CDH13: variants seen among roughly 807,000 people sequenced by gnomAD.
CDH13 encodes the protein cadherin 13.
Under a neutral mutation model 63.8 loss-of-function variants are expected in CDH13, and 24 were observed. The observed-to-expected ratio is 0.38, with a 90% CI of 0.27 to 0.53. The LOEUF is 0.53. CDH13 is among the 20% of genes least tolerant of loss of function. CDH13 has a pLI of 0.85. For synonymous variants in CDH13, 503 were observed against 355.3 expected (o/e 1.42, Z -4.67); for missense variants, 1,049 against 903.1 (o/e 1.16, Z -2.07).
intron 1 of CDH13, among the ~76,000 whole-genome samples, chr16:82,738,739 T>C (rs994198294): frequency 1.3e-5 from 2 of 152,244 alleles, no homozygotes; most frequent in African/African-American, 4.8e-5. Context: ...GGGGAAAATG[T>C]CATCTCTTTC....
chr16:82,869,149 C>G (rs1355403815), intron 2 of CDH13, among the ~76,000 whole-genome samples: 1 of 152,120 alleles, frequency 6.6e-6, no homozygotes, highest in Non-Finnish European at 1.5e-5. Context: ...TGGGTTCAAG[C>G]TATTCTCATG....
At chr16:82,896,983 A>G (rs577714605) in intron 2 of CDH13, among the ~76,000 whole-genome samples, 1 of 147,882 alleles carries the variant, frequency 6.8e-6, no homozygotes, top group African/African-American at 2.5e-5. Flanking sequence ...GGGTTTCATC[A>G]TGTTAGCCAG....
Position 83,748,242 on chromosome 16 carries a change from T to C in CDH13, c.1673T>C (p.Ile558Thr). 1 of 1,608,856 alleles carries C rather than the reference T, an allele frequency of 6.2e-7. No individual in the cohort carries two copies. The highest frequency in any genetic ancestry group is 8.5e-7 in the Non-Finnish European group (1 of 1,175,908). ...NSVYTALFLA[I>T]DSGNPPATGT... ...GTGTACACTGCTCTCTTCCTGGCAA[T>C]TGACAGTGGTGAGTACTTGACAAAG... Residue 558 changes from isoleucine to threonine, a missense_variant, in exon 11 of 14, where the codon ATT becomes ACT. Transcript: ENST00000567109.
intron 5 of CDH13, among the ~76,000 whole-genome samples, chr16:83,263,175 A>G (rs1907188810): frequency 6.6e-6 from 1 of 152,220 alleles, no homozygotes; most frequent in Admixed American, 6.5e-5. Context: ...ACCTAGCAGT[A>G]ATTTTTAGGA....
At chr16:83,295,350 C>T (rs2151869740) in intron 5 of CDH13, among the ~76,000 whole-genome samples, 1 of 152,080 alleles carries the variant, frequency 6.6e-6, no homozygotes, top group Middle Eastern at 3.4e-3. Flanking sequence ...CTCAAAAGCA[C>T]AGGCAACAAA....
At chr16:83,286,690 AG>A (rs1346155986) in intron 5 of CDH13, among the ~76,000 whole-genome samples, 1 of 151,102 alleles carries the variant, frequency 6.6e-6, no homozygotes, top group Admixed American at 6.6e-5. Context: ...TGGGAGGTGG[AG>A]GTTGCAGTGA....
At chr16:83,044,163 C>G (rs1393494855) in intron 3 of CDH13, among the ~76,000 whole-genome samples, 1 of 151,660 alleles carries the variant, frequency 6.6e-6, no homozygotes, top group Non-Finnish European at 1.5e-5. Flanking sequence ...TTCCTATATT[C>G]CAGATGCAGA....
rs2032854656 is a variant in CDH13 at position 83,076,559 on chromosome 16, A to C, written c.366+44341A>C. ...TGAAAGAATTTTACACTAAACCACC[A>C]TGTGCCCATAACCTCGATTCTACAG... On this transcript the variant is annotated intron_variant, in intron 3 of 13. Transcript: ENST00000567109. Among the ~76,000 whole-genome samples, 3 of 152,136 alleles carry C rather than the reference A, an allele frequency of 2.0e-5. No individual in the cohort carries two copies. The East Asian group carries it at 5.8e-4, about 29-fold the overall frequency.
At chr16:82,710,796 C>A in intron 1 of CDH13, among the ~76,000 whole-genome samples, 1 of 147,776 alleles carries the variant, frequency 6.8e-6, no homozygotes. Flanking sequence ...CAAATATAAC[C>A]TATAAGTATA....
At chr16:82,668,601 G>A (rs1037802064) in intron 1 of CDH13, among the ~76,000 whole-genome samples, 2 of 152,188 alleles carry the variant, frequency 1.3e-5, no homozygotes, top group Non-Finnish European at 2.9e-5. Flanking sequence ...AATGATAAGA[G>A]TTTGAGGCCC....
intron 6 of CDH13, among the ~76,000 whole-genome samples, chr16:83,448,283 A>G (rs1269933924): frequency 2.6e-5 from 4 of 152,180 alleles, no homozygotes; most frequent in African/African-American, 9.7e-5. Flanking sequence ...ATAAAAGGGA[A>G]TAAAACCAGG....
At chr16:82,638,471 A>C (rs1320554022) in intron 1 of CDH13, among the ~76,000 whole-genome samples, 1 of 152,184 alleles carries the variant, frequency 6.6e-6, no homozygotes, top group Non-Finnish European at 1.5e-5. Context: ...TTTTGTGAGA[A>C]TTAAATAAGT....
chr16:83,316,528 G>A (rs1044784523), intron 5 of CDH13, among the ~76,000 whole-genome samples: 1 of 152,182 alleles, frequency 6.6e-6, no homozygotes, highest in Non-Finnish European at 1.5e-5. Flanking sequence ...CAAATGTAGG[G>A]TAGTTGGATG....
intron 5 of CDH13, among the ~76,000 whole-genome samples, chr16:83,255,203 A>C (rs1448965751): frequency 6.6e-6 from 1 of 152,190 alleles, no homozygotes; most frequent in East Asian, 1.9e-4. Context: ...AATTGTGCCA[A>C]GTATGGGCAC....
At chr16:83,778,966 T>A (rs536717254) in intron 11 of CDH13, among the ~76,000 whole-genome samples, 1 of 152,380 alleles carries the variant, frequency 6.6e-6, no homozygotes, top group African/African-American at 2.4e-5. Flanking sequence ...CCTGGCTACT[T>A]ATGTAAAAGA....
intron 6 of CDH13, among the ~76,000 whole-genome samples, chr16:83,368,712 C>T (rs988285456): frequency 1.3e-5 from 2 of 151,216 alleles, no homozygotes; most frequent in African/African-American, 2.4e-5. Context: ...ATACATTATT[C>T]TTATGCCTTT....
intron 1 of CDH13, among the ~76,000 whole-genome samples, chr16:82,756,792 C>T (rs2034627865): frequency 6.6e-6 from 1 of 152,114 alleles, no homozygotes; most frequent in Non-Finnish European, 1.5e-5. Context: ...GTGAGCTCCT[C>T]TTAGAACTGA....
At chr16:83,498,575 C>G (rs981624216) in intron 7 of CDH13, among the ~76,000 whole-genome samples, 1 of 152,150 alleles carries the variant, frequency 6.6e-6, no homozygotes, top group Non-Finnish European at 1.5e-5. Flanking sequence ...TGGCATTTGA[C>G]TTTGATAGGA....
intron 2 of CDH13, among the ~76,000 whole-genome samples, chr16:82,860,320 G>T (rs1296767275): frequency 2.1e-5 from 3 of 140,882 alleles, no homozygotes; most frequent in Admixed American, 1.6e-4. Flanking sequence ...ATCATACTTT[G>T]GGGGGATCTT....
Sources: allele counts gnomAD v4.1 joint callset (sites outside exome capture counted in the v4.1 genomes callset), GRCh38; gene constraint gnomAD v4.1.1; transcripts MANE v1.5; gene names NCBI Gene and HGNC (gene_info 2026-07-23, HGNC 2026-07-21).